BACH2: variants seen among roughly 807,000 people sequenced by gnomAD.
BACH2 encodes BACH transcriptional regulator 2, also known as transcription regulator protein BACH2.
In BACH2, 5 loss-of-function variants were observed where a neutral mutation model predicts 61.8. That is an observed-to-expected ratio of 0.08 (90% CI 0.04 to 0.17). The LOEUF (loss-of-function observed/expected upper bound fraction) is 0.17. Among genes scored for constraint, BACH2 ranks in the 10% least tolerant of loss-of-function variants. The probability of loss-of-function intolerance (pLI) is 1.00; values close to 1 mark genes in which losing one functional copy is unlikely to be tolerated. For synonymous variants in BACH2, 446 were observed against 440.1 expected (o/e 1.01, Z -0.17); for missense variants, 824 against 1,091.1 (o/e 0.76, Z 3.45).
At chr6:90,083,762 G>C (rs1170659054) in intron 5 of BACH2, among the ~76,000 whole-genome samples, 1 of 152,074 alleles carries the variant, frequency 6.6e-6, no homozygotes, top group Non-Finnish European at 1.5e-5. Context: ...ATATTGTTCT[G>C]TCCTCAGTCA....
At chr6:90,183,348 CA>C (rs1192026200) in intron 4 of BACH2, among the ~76,000 whole-genome samples, 1 of 152,180 alleles carries the variant, frequency 6.6e-6, no homozygotes, top group Non-Finnish European at 1.5e-5. Context: ...ATGCCTTGAC[CA>C]AATGTCCATA....
chr6:90,017,108 T>A (rs1778109070), intron 5 of BACH2, among the ~76,000 whole-genome samples: 1 of 152,208 alleles, frequency 6.6e-6, no homozygotes, highest in African/African-American at 2.4e-5. Flanking sequence ...AATTTTTTTG[T>A]CTTCTCCCCT....
Position 90,030,451 on chromosome 6 carries a change from C to T in BACH2, c.-12-21595G>A, listed in dbSNP as rs576602407. Among the ~76,000 whole-genome samples, 245 of 151,920 alleles carry T rather than the reference C, an allele frequency of 1.6e-3. 1 individual carries two copies. The highest frequency in any genetic ancestry group is 1.9e-3 in the Non-Finnish European group (128 of 67,952). On this transcript the variant is annotated intron_variant, in intron 5 of 8. Transcript: ENST00000257749. ...GAAAAGATCAACAACATTGATAGAC[C>T]GCTAGCAAGACTAATCAAGAAGAAA...
At chr6:90,194,051 C>T (rs886270081) in intron 4 of BACH2, among the ~76,000 whole-genome samples, 1 of 152,040 alleles carries the variant, frequency 6.6e-6, no homozygotes, top group Non-Finnish European at 1.5e-5. Context: ...TTCAACTACG[C>T]CACATAATCC....
At chr6:90,271,367 AAAAAAAAAAAAAAAAG>A (rs1771513863) in intron 2 of BACH2, among the ~76,000 whole-genome samples, 1 of 48,698 alleles carries the variant, frequency 2.1e-5, no homozygotes, top group South Asian at 6.3e-4. Context: ...AACCCCATTT[AAAAAAAAAAAAAAAAG>A]AAAAAAGAAA....
At chr6:90,239,798 T>TACACACACACACAC (rs59169449) in intron 3 of BACH2, among the ~76,000 whole-genome samples, 6 of 132,224 alleles carry the variant, frequency 4.5e-5, no homozygotes, top group African/African-American at 1.4e-4. Flanking sequence ...GGGGGGGGAA[T>TACACACACACACAC]ACACACACAC....
chr6:89,938,212 C>T lies in BACH2; in HGVS notation c.1975G>A (p.Ala659Thr). 1 of 1,614,214 alleles carries T rather than the reference C, an allele frequency of 6.2e-7. No individual in the cohort carries two copies. Among genetic ancestry groups the T allele is most frequent in the Non-Finnish European group, 8.5e-7 (1 of 1,180,026 alleles). ...TTCCTTTTGCGGCAGCGCTGGGCCGCGATGCGGTTCTTGCTGCGCCGTCGG... is the reference window on the plus strand; with the variant it reads ...TTCCTTTTGCGGCAGCGCTGGGCCGTGATGCGGTTCTTGCTGCGCCGTCGG... ...DVRRRSKNRIAAQRCRKRKLD... is the reference protein window; with the variant it reads ...DVRRRSKNRITAQRCRKRKLD... Residue 659 changes from alanine to threonine, a missense_variant, in exon 8 of 9, where the codon GCG (alanine) becomes ACG (threonine). Around this residue, in one of 8 missense-constraint regions of BACH2, gnomAD observed 160 missense variants for 283.5 expected, o/e 0.56. Coordinates refer to ENST00000257749, the MANE Select transcript of BACH2 (RefSeq NM_021813.4).
intron 5 of BACH2, among the ~76,000 whole-genome samples, chr6:90,063,440 C>T (rs1292835129): frequency 6.6e-6 from 1 of 152,036 alleles, no homozygotes; most frequent in Non-Finnish European, 1.5e-5. Context: ...AACAATACAG[C>T]TGGAAAAAAC....
In BACH2 at chr6:89,999,998, C is replaced by G. The variant is rs1777050634; in HGVS notation, c.243+8604G>C. ...TGTCTACTCAACTCCTACTACTATG[C>G]CAAAAGAGGAACACATTTCTGCATA... On this transcript the variant is annotated intron_variant, in intron 6 of 8. Transcript: ENST00000257749. Among the ~76,000 whole-genome samples, 3 of 152,172 alleles carry G rather than the reference C, an allele frequency of 2.0e-5. No homozygotes were observed. The South Asian group carries it at 6.2e-4, about 31-fold the overall frequency.
chr6:90,238,226 T>C (rs370772790), intron 3 of BACH2, among the ~76,000 whole-genome samples: 1 of 152,200 alleles, frequency 6.6e-6, no homozygotes, highest in Admixed American at 6.5e-5. Context: ...TATCGATCGA[T>C]CGATCATCTA....
At chr6:90,040,080 A>T (rs2127790821) in intron 5 of BACH2, among the ~76,000 whole-genome samples, 1 of 135,604 alleles carries the variant, frequency 7.4e-6, no homozygotes. Context: ...GAAATTTTTG[A>T]TTTTTGTGTC....
intron 5 of BACH2, among the ~76,000 whole-genome samples, chr6:90,040,511 G>T (rs546209981): frequency 5.3e-5 from 8 of 151,172 alleles, no homozygotes; most frequent in African/African-American, 1.7e-4. Context: ...TTTATTCTTG[G>T]CTATTTTTGA....
At chr6:90,024,695 A>C (rs78192673) in intron 5 of BACH2, among the ~76,000 whole-genome samples, 2,321 of 152,306 alleles carry the variant, frequency 0.015, 63 homozygotes, top group African/African-American at 0.052. Context: ...AAAAGAACAC[A>C]ACTGGCTGGA....
At chr6:90,274,132 G>C (rs773205405) in intron 1 of BACH2, among the ~76,000 whole-genome samples, 1 of 152,136 alleles carries the variant, frequency 6.6e-6, no homozygotes, top group Non-Finnish European at 1.5e-5. Context: ...ATTCTGAAAA[G>C]GGCTTTTCCA....
At chr6:90,175,697 A>G (rs1051475997) in intron 4 of BACH2, among the ~76,000 whole-genome samples, 14 of 152,148 alleles carry the variant, frequency 9.2e-5, no homozygotes, top group Non-Finnish European at 1.5e-4. Context: ...TATTTTCTGC[A>G]TATTAGATGT....
chr6:90,198,754 T>G (rs1293054394), intron 4 of BACH2, among the ~76,000 whole-genome samples: 1 of 152,174 alleles, frequency 6.6e-6, no homozygotes, highest in Non-Finnish European at 1.5e-5. Context: ...ACAAAAAGGT[T>G]CAGATTTTCA....
intron 7 of BACH2, among the ~76,000 whole-genome samples, chr6:89,947,720 G>C (rs3757249): frequency 0.19 from 28,014 of 151,418 alleles, 2,771 homozygotes; most frequent in African/African-American, 0.25. Context: ...CGCCCACCAC[G>C]ACGCCCAGCT....
intron 4 of BACH2, among the ~76,000 whole-genome samples, chr6:90,189,979 T>C (rs897459649): frequency 8.5e-5 from 13 of 152,134 alleles, no homozygotes; most frequent in African/African-American, 2.9e-4. Flanking sequence ...AGTCTTGCAC[T>C]GTCACCTGGG....
At chr6:90,192,415 A>G (rs1212667115) in intron 4 of BACH2, among the ~76,000 whole-genome samples, 1 of 152,156 alleles carries the variant, frequency 6.6e-6, no homozygotes, top group Non-Finnish European at 1.5e-5. Flanking sequence ...AAAGGAACAT[A>G]CAAAGCAATT....
Sources: allele counts gnomAD v4.1 joint callset (sites outside exome capture counted in the v4.1 genomes callset), GRCh38; gene constraint gnomAD v4.1.1; regional missense constraint gnomAD v4.1.1; transcripts MANE v1.5; gene names NCBI Gene and HGNC (gene_info 2026-07-23, HGNC 2026-07-21).